Variants in ZNF248 observed in about 807,000 individuals in gnomAD.
ZNF248 encodes the protein KRAB protein domain.
In ZNF248, 20 loss-of-function variants were observed where a neutral mutation model predicts 44.3. The ratio of observed to expected loss-of-function variants is 0.45; its 90% CI spans 0.32 to 0.66. ZNF248 has a LOEUF of 0.66. Ranked by LOEUF, ZNF248 falls within the 30% of genes least tolerant of loss-of-function variation. The pLI is 0.04. For synonymous variants in ZNF248, 224 were observed against 229.0 expected (o/e 0.98, Z 0.20); for missense variants, 654 against 677.0 (o/e 0.97, Z 0.38).
chr10:37,786,674 T>C (rs1306551153), intron 6 of ZNF248, among the ~76,000 whole-genome samples: 2 of 152,222 alleles, frequency 1.3e-5, no homozygotes, highest in South Asian at 2.1e-4. Context: ...TTTTGTTTTA[T>C]GGATTTCAAA....
Position 37,829,679 on chromosome 10 carries a change from G to C in ZNF248, c.*1936C>G. 3 of 985,338 alleles carry C rather than the reference G, an allele frequency of 3.0e-6. No homozygotes were observed. The highest frequency in any genetic ancestry group is 3.6e-6 in the Non-Finnish European group (3 of 829,928). 61.0% of individuals were successfully genotyped at this position (985,338 alleles called of 1,614,324 possible). ...CCCACCTTGTGCACTGTTATCTTCA[G>C]GCTACTGCCCTTCAGAGATAAAAAC... On this transcript the variant is annotated 3_prime_UTR_variant, in exon 6 of 6. Coordinates refer to ENST00000395867, the MANE Select transcript of ZNF248 (RefSeq NM_021045.3).
chr10:37,852,172 G>A (rs78390414), intron 3 of ZNF248, among the ~76,000 whole-genome samples: 3 of 152,066 alleles, frequency 2.0e-5, no homozygotes, highest in African/African-American at 4.8e-5. Flanking sequence ...ACTTGAACTT[G>A]GGAGGCAGAG....
chr10:37,833,207 A>G (rs775090387), intron 5 of ZNF248, 91 bp from the exon 6 acceptor site: 23 of 1,462,606 alleles, frequency 1.6e-5, no homozygotes, highest in Non-Finnish European at 2.1e-5. Context: ...CATACAGTCA[A>G]TTCTTTTGTT....
At chr10:37,841,076 T>C (rs2058257129) in intron 3 of ZNF248, among the ~76,000 whole-genome samples, 2 of 152,244 alleles carry the variant, frequency 1.3e-5, no homozygotes, top group Admixed American at 6.5e-5. Flanking sequence ...CTCTGTTTTC[T>C]AGCATCTTGT....
At chr10:37,854,025 C>T (rs1168901281) in intron 3 of ZNF248, among the ~76,000 whole-genome samples, 2 of 151,786 alleles carry the variant, frequency 1.3e-5, no homozygotes, top group Admixed American at 6.5e-5. Context: ...ATCAAAACAA[C>T]AGCACACATC....
intron 6 of ZNF248, chr10:37,795,042 G>A (rs910753913): frequency 9.2e-5 from 14 of 152,272 alleles, no homozygotes; most frequent in African/African-American, 3.4e-4. Context: ...AACTTTTTGT[G>A]TAAGGCATTT....
intron 3 of ZNF248, among the ~76,000 whole-genome samples, chr10:37,841,182 A>G (rs2058276720): frequency 6.6e-6 from 1 of 152,114 alleles, no homozygotes; most frequent in Non-Finnish European, 1.5e-5. Flanking sequence ...GATTTTTAAA[A>G]TTTTTACCTG....
chr10:37,770,280 G>A, the ZNF248 span, among the ~76,000 whole-genome samples: 1 of 152,034 alleles, frequency 6.6e-6, no homozygotes, highest in Admixed American at 6.6e-5. Flanking sequence ...CTACTTTAAA[G>A]TTCATATGGA....
At chr10:37,813,603 T>G (rs958978553) in intron 6 of ZNF248, among the ~76,000 whole-genome samples, 1 of 152,224 alleles carries the variant, frequency 6.6e-6, no homozygotes, top group Admixed American at 6.5e-5. Context: ...CTTACGATTT[T>G]TTTTTCTTTA....
downstream of ZNF248, among the ~76,000 whole-genome samples, chr10:37,773,118 C>A (rs1162988866): frequency 6.6e-6 from 1 of 152,146 alleles, no homozygotes; most frequent in East Asian, 1.9e-4. Flanking sequence ...TGGTGGCACA[C>A]ACCTGTAATC....
intron 6 of ZNF248, among the ~76,000 whole-genome samples, chr10:37,785,514 A>G (rs2047785053): frequency 6.6e-6 from 1 of 152,212 alleles, no homozygotes; most frequent in Non-Finnish European, 1.5e-5. Flanking sequence ...TAGGTGACCC[A>G]TGGCACTTAC....
At chr10:37,771,050 T>G in the ZNF248 span, among the ~76,000 whole-genome samples, 1 of 152,096 alleles carries the variant, frequency 6.6e-6, no homozygotes, top group Non-Finnish European at 1.5e-5. Flanking sequence ...ATCAGAGAAA[T>G]GCAAATCAAA....
chr10:37,774,247 C>G (rs912532973), downstream of ZNF248, among the ~76,000 whole-genome samples: 1 of 152,198 alleles, frequency 6.6e-6, no homozygotes, highest in Non-Finnish European at 1.5e-5. Flanking sequence ...GAATACATTT[C>G]TGTTAACAGA....
intron 3 of ZNF248, among the ~76,000 whole-genome samples, chr10:37,848,389 G>A (rs960326126): frequency 2.0e-5 from 3 of 152,028 alleles, no homozygotes; most frequent in African/African-American, 7.2e-5. Flanking sequence ...TTCGAGAACA[G>A]CCTGGCAACA....
Position 37,831,982 on chromosome 10 carries a change from T to G in ZNF248, c.1373A>C (p.His458Pro). ...KSNLTEHQRT[H>P]TGEKPYECNA... The stretch of plus-strand genomic sequence containing the variant: ...ACATTCATAGGGCTTCTCCCCTGTG[T>G]GTGTTCTCTGATGTTCAGTGAGGTT... Residue 458 changes from histidine (H) to proline (P), a missense_variant, in exon 6 of 6, where the codon CAC becomes CCC. His to Pro is a moderately conservative substitution (Grantham distance 77). Transcript: ENST00000395867. 6.2e-7 allele frequency: 1 copy of G among 1,614,096 alleles called. No individual in the cohort carries two copies. Among genetic ancestry groups the G allele is most frequent in the Non-Finnish European group, 8.5e-7 (1 of 1,179,930 alleles).
intron 6 of ZNF248, among the ~76,000 whole-genome samples, chr10:37,782,266 G>C (rs2047403362): frequency 6.6e-6 from 1 of 152,204 alleles, no homozygotes; most frequent in East Asian, 1.9e-4. Flanking sequence ...TGTAGACAGA[G>C]AGGAATTTTA....
intron 6 of ZNF248, among the ~76,000 whole-genome samples, chr10:37,804,102 T>C (rs1688034918): frequency 4.4e-5 from 1 of 22,858 alleles, no homozygotes; most frequent in South Asian, 1.4e-3. Flanking sequence ...TTTCTTTTTC[T>C]TTTTTTTTTT....
At chr10:37,765,423 G>A in the ZNF248 span, among the ~76,000 whole-genome samples, 30 of 152,352 alleles carry the variant, frequency 2.0e-4, no homozygotes, top group African/African-American at 6.3e-4. Flanking sequence ...AGATAGGTAT[G>A]TATGAATATA....
intron 6 of ZNF248, among the ~76,000 whole-genome samples, chr10:37,782,530 C>T (rs2047430655): frequency 6.6e-6 from 1 of 152,054 alleles, no homozygotes; most frequent in Non-Finnish European, 1.5e-5. Context: ...CAAGTCCTAA[C>T]ACACGGTACC....
Sources: gnomAD v4.1 joint callset for allele counts (sites outside exome capture counted in the v4.1 genomes callset) on GRCh38, gnomAD v4.1.1 for gene constraint, MANE v1.5 for transcripts, NCBI Gene and HGNC (gene_info 2026-07-23, HGNC 2026-07-21) for gene names.